The following KCNQ1 variants were observed in gnomAD, a reference collection of about 807,000 sequenced individuals.
KCNQ1 encodes the protein potassium voltage-gated channel subfamily KQT member 1.
In KCNQ1, 49 loss-of-function variants were observed where a neutral mutation model predicts 72.4. The observed-to-expected ratio is 0.68, with a 90% CI of 0.54 to 0.86. KCNQ1 has a LOEUF of 0.86. Among genes scored for constraint, KCNQ1 ranks in the 40% least tolerant of loss-of-function variants. KCNQ1 has a pLI of 0.00. For missense variants in KCNQ1, 790 were observed against 945.1 expected, an observed-to-expected ratio of 0.84 and a Z score of 2.15; for synonymous variants, 450 against 412.6, an observed-to-expected ratio of 1.09 and a Z score of -1.10.
chr11:2,703,814 A>C lies in KCNQ1; in HGVS notation c.1514+41733A>C, dbSNP rs1850861568. ...TCAATTCTCTCCCTACCCTGCCCCC[A>C]CCCTCGGAGTCTAAGGGTGGAACCA... is the stretch of plus-strand genomic sequence containing the variant. On this transcript the variant is annotated intron_variant, in intron 11 of 15. Transcript: ENST00000155840. The surrounding 1 kb of genome is among the most constrained non-coding windows in gnomAD (Gnocchi z 6.4). 6.6e-6 allele frequency among the ~76,000 whole-genome samples: 1 copy of C among 151,864 alleles called. No individual in the cohort carries two copies. Among genetic ancestry groups the C allele is most frequent in the East Asian group, 1.9e-4 (1 of 5,166 alleles).
At chr11:2,504,483 C>T (rs1847068156) in intron 1 of KCNQ1, among the ~76,000 whole-genome samples, 1 of 152,180 alleles carries the variant, frequency 6.6e-6, no homozygotes, top group African/African-American at 2.4e-5. Context: ...GAGCTGGGCA[C>T]AGTGGCTCAC....
intron 6 of KCNQ1, among the ~76,000 whole-genome samples, chr11:2,577,836 C>T (rs1348077167): frequency 6.6e-6 from 1 of 152,180 alleles, no homozygotes; most frequent in Non-Finnish European, 1.5e-5. Context: ...GCTGGCCCCA[C>T]CCTTCTCTGT....
Position 2,624,461 on chromosome 11 carries a change from C to T in KCNQ1, c.1393+35607C>T. 2 of 398,404 alleles carry T rather than the reference C, an allele frequency of 5.0e-6. No individual in the cohort carries two copies. Among genetic ancestry groups the T allele is most frequent in the Non-Finnish European group, 4.4e-6 (1 of 226,004 alleles). 24.7% of individuals were successfully genotyped at this position (398,404 alleles called of 1,614,324 possible). ...CAATTATTTCTTTCATGAATCATGC[C>T]TTTGGTGTCATATCTAAAAAGCCAT... is the stretch of plus-strand genomic sequence containing the variant. On this transcript the variant is annotated intron_variant, in intron 10 of 15. Coordinates refer to ENST00000155840, the MANE Select transcript of KCNQ1 (RefSeq NM_000218.3). The surrounding 1 kb of genome is among the most constrained non-coding windows in gnomAD (Gnocchi z 4.9).
At position 2,785,769 on chromosome 11, in the gene KCNQ1, C is replaced by T. The variant is rs531108613; in HGVS notation, c.1794+7732C>T. Among the ~76,000 whole-genome samples, 1 of 151,990 alleles carries T rather than the reference C, an allele frequency of 6.6e-6. No homozygotes were observed. The highest frequency in any genetic ancestry group is 2.1e-4 in the South Asian group (1 of 4,826). ...GATTATTACTTCTCATTCTACTTTTCTCTCTACTGGTTTTGAAGTTATGTA... is the reference window on the plus strand; with the variant it reads ...GATTATTACTTCTCATTCTACTTTTTTCTCTACTGGTTTTGAAGTTATGTA... On this transcript the variant is annotated intron_variant, in intron 15 of 15. Transcript: ENST00000155840. This position sits in a 1 kb window ranked among gnomAD's most constrained non-coding sequence, Gnocchi z 4.4.
At chr11:2,454,949 G>A (rs1203261140) in intron 1 of KCNQ1, among the ~76,000 whole-genome samples, 1 of 152,002 alleles carries the variant, frequency 6.6e-6, no homozygotes, top group Non-Finnish European at 1.5e-5. Flanking sequence ...AATAAAAGGG[G>A]ATCCAAATAG....
In KCNQ1 at chr11:2,617,832, C is replaced by G. The variant is rs1849092890; in HGVS notation, c.1393+28978C>G. ...TATGTGTTTGCCATTTTTATAACTT[C>G]TTTGCAAAAATGTCTACTCAGTTCC... On this transcript the variant is annotated intron_variant, in intron 10 of 15. Transcript: ENST00000155840. This position sits in a 1 kb window ranked among gnomAD's most constrained non-coding sequence, Gnocchi z 4.6. 1.0e-5 allele frequency: 4 copies of G among 398,366 alleles called. No individual in the cohort carries two copies. The highest frequency in any genetic ancestry group is 1.8e-5 in the Non-Finnish European group (4 of 225,984). 24.7% of individuals were successfully genotyped at this position (398,366 alleles called of 1,614,324 possible). A position where few individuals can be genotyped will look rare whatever the true frequency, so the allele number is the denominator to read the frequency against.
At chr11:2,596,657 GACAA>G (rs1848737290) in intron 10 of KCNQ1, among the ~76,000 whole-genome samples, 1 of 151,848 alleles carries the variant, frequency 6.6e-6, no homozygotes, top group South Asian at 2.1e-4. Context: ...AATATAGAGT[GACAA>G]ACAAGTCAGT....
intron 1 of KCNQ1, among the ~76,000 whole-genome samples, chr11:2,474,978 A>T (rs1345600389): frequency 6.6e-6 from 1 of 152,142 alleles, no homozygotes. Context: ...ACCTTTGTGC[A>T]TTTGTGCATT....
At position 2,477,456 on chromosome 11, in the gene KCNQ1, A is replaced by G. The variant is rs575944454; in HGVS notation, c.386+31972A>G. Among the ~76,000 whole-genome samples the G allele has an allele frequency of 6.6e-6, 1 of 152,344 alleles. No homozygotes were observed. The highest frequency in any genetic ancestry group is 2.1e-4 in the South Asian group (1 of 4,830). On this transcript the variant is annotated intron_variant, in intron 1 of 15. Coordinates refer to ENST00000155840, the MANE Select transcript of KCNQ1 (RefSeq NM_000218.3). The surrounding 1 kb of genome is among the most constrained non-coding windows in gnomAD (Gnocchi z 5.0). ...CAGTCATGTTAGTGGCTCAATGGGC[A>G]GGGTGCCCAGGTTAGCTGTGAACAA...
At chr11:2,523,218 G>T (rs1193254521) in intron 1 of KCNQ1, among the ~76,000 whole-genome samples, 2 of 148,292 alleles carry the variant, frequency 1.3e-5, no homozygotes, top group African/African-American at 2.6e-5. Flanking sequence ...TTTTGTGGTG[G>T]AGTCTTGCTC....
intron 15 of KCNQ1, among the ~76,000 whole-genome samples, chr11:2,820,132 G>A (rs527424666): frequency 5.2e-4 from 79 of 152,094 alleles, no homozygotes; most frequent in African/African-American, 1.8e-3. Flanking sequence ...TTGTTTTGGT[G>A]TTCTTTTTCT....
chr11:2,672,957 C>T, intron 11 of KCNQ1: 1 of 398,762 alleles, frequency 2.5e-6, no homozygotes. Context: ...GAATCATGAA[C>T]CCCAGCTGAG....
chr11:2,505,388 G>A (rs138238374), intron 1 of KCNQ1, among the ~76,000 whole-genome samples: 19 of 152,118 alleles, frequency 1.2e-4, no homozygotes, highest in Middle Eastern at 3.4e-3. Flanking sequence ...GACTTAATTC[G>A]TGGCCTGATC....
At chr11:2,540,051 TA>T (rs1414109821) in intron 2 of KCNQ1, among the ~76,000 whole-genome samples, 1 of 152,020 alleles carries the variant, frequency 6.6e-6, no homozygotes, top group African/African-American at 2.4e-5. Context: ...GTGGGGCTCC[TA>T]GGGGGCTGCT....
At position 2,550,661 on chromosome 11, in the gene KCNQ1, G is replaced by C. The variant is rs1393588748; in HGVS notation, c.478-19967G>C. 1.3e-5 allele frequency among the ~76,000 whole-genome samples: 2 copies of C among 152,182 alleles called. No individual in the cohort carries two copies. Among genetic ancestry groups the C allele is most frequent in the African/African-American group, 4.8e-5 (2 of 41,444 alleles). ...GAAGGGTGCTGGGGTGGCGAGTTGA[G>C]GGCCAACAGAGATGGTGTCCCGGCT... On this transcript the variant is annotated intron_variant, in intron 2 of 15. Transcript: ENST00000155840. The surrounding 1 kb of genome is among the most constrained non-coding windows in gnomAD (Gnocchi z 6.0).
intron 10 of KCNQ1, chr11:2,655,719 TGACCTGGCTAC>T (rs1370869765): frequency 2.5e-5 from 3 of 121,814 alleles, no homozygotes; most frequent in African/African-American, 6.7e-5. Flanking sequence ...CCTAGATGCC[TGACCTGGCTAC>T]GACCACAGGT....
chr11:2,831,602 T>C lies in KCNQ1; in HGVS notation c.1795-16165T>C, dbSNP rs146473493. ...ATGTCCTGGATGGCCACAACCATAGTGTCCCCTCCGCTCCTCTCTCCCCCG... is the reference window on the plus strand; with the variant it reads ...ATGTCCTGGATGGCCACAACCATAGCGTCCCCTCCGCTCCTCTCTCCCCCG... On this transcript the variant is annotated intron_variant, in intron 15 of 15. Transcript: ENST00000155840. 4.8e-3 allele frequency among the ~76,000 whole-genome samples: 725 copies of C among 151,968 alleles called. 3 individuals are homozygous for C. The highest frequency in any genetic ancestry group is 9.7e-3 in the Admixed American group (148 of 15,274).
At chr11:2,738,554 C>A (rs1293761717) in intron 11 of KCNQ1, among the ~76,000 whole-genome samples, 2 of 152,200 alleles carry the variant, frequency 1.3e-5, no homozygotes, top group African/African-American at 4.8e-5. Flanking sequence ...AGGCCTAGAG[C>A]AGAGTGCCCT....
chr11:2,744,517 C>T (rs1323450972), intron 11 of KCNQ1, among the ~76,000 whole-genome samples: 2 of 152,214 alleles, frequency 1.3e-5, no homozygotes, highest in Admixed American at 6.5e-5. Context: ...CATGAGGTGG[C>T]GTTCCCTCAC....
Sources: allele counts gnomAD v4.1 joint callset (sites outside exome capture counted in the v4.1 genomes callset), GRCh38; gene constraint gnomAD v4.1.1; non-coding constraint Gnocchi (gnomAD v3.1); transcripts MANE v1.5; gene names NCBI Gene and HGNC (gene_info 2026-07-23, HGNC 2026-07-21).